The following SETD9 variants were observed in gnomAD, a reference collection of about 807,000 sequenced individuals.
SETD9 encodes the protein SET domain-containing protein 9.
A neutral mutation model predicts 36.4 loss-of-function variants in SETD9; 37 were observed. That is an observed-to-expected ratio of 1.02 (90% CI 0.78 to 1.34). The LOEUF (loss-of-function observed/expected upper bound fraction) is 1.34, where lower values mean the gene tolerates loss of function less well. Ranked by LOEUF, SETD9 falls within the 40% of genes most tolerant of loss-of-function variation. The pLI is 0.00. For synonymous variants in SETD9, 128 were observed against 132.9 expected, an observed-to-expected ratio of 0.96 and a Z score of 0.26; for missense variants, 323 against 353.2, an observed-to-expected ratio of 0.91 and a Z score of 0.69.
At chr5:56,922,672 A>G (rs1422501218) in intron 5 of SETD9, 3 of 163,792 alleles carry the variant, frequency 1.8e-5, no homozygotes, top group Non-Finnish European at 2.7e-5. Flanking sequence ...CGGTACCTGT[A>G]AACATTGTTA....
Position 56,917,057 on chromosome 5 carries a change from T to C in SETD9, c.*155T>C. 1 of 1,312,450 alleles carries C rather than the reference T, an allele frequency of 7.6e-7. No homozygotes were observed. Among genetic ancestry groups the C allele is most frequent in the Non-Finnish European group, 9.7e-7 (1 of 1,036,148 alleles). 81.3% of individuals were successfully genotyped at this position (1,312,450 alleles called of 1,614,324 possible). On this transcript the variant is annotated 3_prime_UTR_variant, in exon 6 of 6. Coordinates refer to ENST00000285947, the MANE Select transcript of SETD9 (RefSeq NM_153706.4). ...GTTTTTGTTGATATTATATTTATGT[T>C]CCAATTTCATGATAAAAGCTACTTG...
intron 2 of SETD9, among the ~76,000 whole-genome samples, chr5:56,912,462 G>A (rs60646910): frequency 0.031 from 4,772 of 152,124 alleles, 252 homozygotes; most frequent in African/African-American, 0.11. Context: ...CCTGCTGTAC[G>A]AGTAATCTAA....
At chr5:56,923,016 A>G in intron 5 of SETD9, 1 of 766,064 alleles carries the variant, frequency 1.3e-6, no homozygotes, top group South Asian at 1.8e-5. Context: ...TACTGACATC[A>G]CTGATGTCAT....
Position 56,911,321 on chromosome 5 carries a change from C to A in SETD9, c.251C>A (p.Ser84Ter). ...TCTATGCTTCCAGAATCTGTTAAAT[C>A]AAAATATCAAGACCTACTGGCAGTT... Reference protein sequence around the residue: ...ILSMLPESVKSKYQDLLAVEH... With the variant: ...ILSMLPESVK Residue 84 changes from serine to a stop codon, truncating the protein, a stop_gained, in exon 2 of 6, where the codon TCA becomes TAA. Coordinates refer to ENST00000285947, the MANE Select transcript of SETD9 (RefSeq NM_153706.4). LOFTEE classifies it high-confidence loss of function. The A allele has an allele frequency of 6.2e-7, 1 of 1,611,394 alleles. No individual in the cohort carries two copies.
downstream of SETD9, among the ~76,000 whole-genome samples, chr5:56,919,342 T>C (rs1440112300): frequency 2.0e-5 from 3 of 152,232 alleles, no homozygotes; most frequent in Admixed American, 1.3e-4. Flanking sequence ...GTCAGGCTGG[T>C]CTTGAACTCC....
upstream of SETD9, chr5:56,909,309 C>G: frequency 4.5e-6 from 1 of 223,004 alleles, no homozygotes; most frequent in South Asian, 1.1e-4. Flanking sequence ...GACGCGGTCT[C>G]GGGGGCGGGT....
At position 56,911,420 on chromosome 5, in the gene SETD9, A is replaced by C; in HGVS notation, c.350A>C (p.Tyr117Ser). 2 of 1,613,750 alleles carry C rather than the reference A, an allele frequency of 1.2e-6. No homozygotes were observed. The highest frequency in any genetic ancestry group is 1.7e-6 in the Non-Finnish European group (2 of 1,179,894). Residue 117 changes from tyrosine to serine, a missense_variant, in exon 2 of 6, where the codon TAC becomes TCC. Tyr to Ser is a moderately radical substitution (Grantham distance 144). Coordinates refer to ENST00000285947, the MANE Select transcript of SETD9 (RefSeq NM_153706.4). ...QSTFKPEEILYKTLGFSVAQA... is the reference protein window; with the variant it reads ...QSTFKPEEILSKTLGFSVAQA... ...ACCTTTAAACCAGAAGAAATTCTTT[A>C]CAAGACTTTGGGTTTCAGTGTTGCC...
intron 3 of SETD9, 94 bp from the exon 4 acceptor site, chr5:56,913,779 TA>T (rs1749279968): frequency 1.5e-6 from 1 of 664,852 alleles, no homozygotes. Context: ...TTTTTTTTTT[TA>T]AGAAAAAATG....
chr5:56,917,762 T>C (rs1749493011), downstream of SETD9, among the ~76,000 whole-genome samples: 1 of 152,194 alleles, frequency 6.6e-6, no homozygotes, highest in Non-Finnish European at 1.5e-5. Flanking sequence ...AGAGGTGTAA[T>C]ATATTGGCAG....
In SETD9 at chr5:56,917,001, T is replaced by G; in HGVS notation, c.*99T>G. The G allele has an allele frequency of 7.1e-7, 1 of 1,399,326 alleles. No homozygotes were observed. The highest frequency in any genetic ancestry group is 9.3e-7 in the Non-Finnish European group (1 of 1,080,296). 86.7% of individuals were successfully genotyped at this position (1,399,326 alleles called of 1,614,324 possible). On this transcript the variant is annotated 3_prime_UTR_variant, in exon 6 of 6. Transcript: ENST00000285947. ...GAGTTCTACCTGTAAAACAAATATT[T>G]TGAGACTTAATTGGAATAGGAATTT... is the stretch of plus-strand genomic sequence containing the variant.
chr5:56,912,240 C>T (rs1749176614), intron 2 of SETD9: 1 of 985,150 alleles, frequency 1.0e-6, no homozygotes, highest in Non-Finnish European at 1.2e-6. Flanking sequence ...GACCTTCCTG[C>T]CCTTTCTACA....
downstream of SETD9, among the ~76,000 whole-genome samples, chr5:56,917,837 A>T (rs1749496186): frequency 6.6e-6 from 1 of 152,224 alleles, no homozygotes; most frequent in Non-Finnish European, 1.5e-5. Flanking sequence ...TTTGACCTCC[A>T]TCGACCTGAC....
At chr5:56,911,101 A>C in intron 1 of SETD9, 68 bp from the exon 2 acceptor site, 2 of 1,488,392 alleles carry the variant, frequency 1.3e-6, no homozygotes, top group Non-Finnish European at 1.8e-6. Context: ...AGGAACCCAG[A>C]AGTTATGCAG....
chr5:56,909,553 G>T (rs145674758), upstream of SETD9: 1,401 of 960,780 alleles, frequency 1.5e-3, 12 homozygotes, highest in African/African-American at 0.022. Flanking sequence ...GAAGGCGGCC[G>T]AGCGCGGCCC....
chr5:56,917,119 G>T lies in SETD9; in HGVS notation c.*217G>T. On this transcript the variant is annotated 3_prime_UTR_variant, in exon 6 of 6. Coordinates refer to ENST00000285947, the MANE Select transcript of SETD9 (RefSeq NM_153706.4). Reference sequence around the variant, plus strand: ...TTTCAAATTTGTAATGCAATTCCAAGTTTAATTGGTTTTCACCTAAATACA... The same window carrying T: ...TTTCAAATTTGTAATGCAATTCCAATTTTAATTGGTTTTCACCTAAATACA... The T allele has an allele frequency of 8.2e-7, 1 of 1,221,556 alleles. No homozygotes were observed. The highest frequency in any genetic ancestry group is 1.0e-6 in the Non-Finnish European group (1 of 980,876). 75.7% of individuals were successfully genotyped at this position (1,221,556 alleles called of 1,614,324 possible). A position where few individuals can be genotyped will look rare whatever the true frequency, so the allele number is the denominator to read the frequency against.
chr5:56,915,057 A>AT (rs564044423), intron 5 of SETD9, 91 bp downstream of exon 5: 9,697 of 817,376 alleles, frequency 0.012, no homozygotes, highest in East Asian at 0.015. Flanking sequence ...TTGGGGTAAA[A>AT]TTTTTTTTTT....
At chr5:56,928,545 C>A, downstream of SETD9, 1 of 343,146 alleles carries the variant, frequency 2.9e-6, no homozygotes, top group South Asian at 9.0e-5. Context: ...AGTCCACTTT[C>A]TGTGTCAACT....
upstream of SETD9, chr5:56,909,446 C>T (rs919808364): frequency 8.4e-6 from 4 of 477,180 alleles, no homozygotes; most frequent in African/African-American, 8.3e-5. Context: ...CTCTACGCGC[C>T]TCTCATTCAG....
At chr5:56,925,241 AC>A (rs1410472763) in intron 5 of SETD9, 3 of 385,860 alleles carry the variant, frequency 7.8e-6, no homozygotes, top group African/African-American at 6.4e-5. Context: ...CAACATCAAT[AC>A]TGGAAGGTCT....
Sources: gnomAD v4.1 joint callset for allele counts (sites outside exome capture counted in the v4.1 genomes callset) on GRCh38, gnomAD v4.1.1 for gene constraint, MANE v1.5 for transcripts, NCBI Gene and HGNC (gene_info 2026-07-23, HGNC 2026-07-21) for gene names.